Variants in PKP4 observed in about 807,000 individuals in gnomAD.
PKP4 encodes the protein plakophilin 4.
Under a neutral mutation model 145.1 loss-of-function variants are expected in PKP4, and 90 were observed. That is an observed-to-expected ratio of 0.62 (90% confidence interval 0.52 to 0.74). PKP4 has a LOEUF of 0.74. Among genes scored for constraint, PKP4 ranks in the 30% least tolerant of loss-of-function variants. PKP4 has a pLI of 0.00. For synonymous variants in PKP4, 563 were observed against 577.2 expected (o/e 0.98, Z 0.35); for missense variants, 1,340 against 1,482.7 (o/e 0.90, Z 1.58).
In PKP4 at chr2:158,680,502, C is replaced by T. The variant is rs878925561; in HGVS notation, c.3404C>T (p.Ser1135Phe). 14 of 1,613,138 alleles carry T rather than the reference C, an allele frequency of 8.7e-6. No homozygotes were observed. The highest frequency in any genetic ancestry group is 2.7e-5 in the African/African-American group (2 of 74,928). Reference protein sequence around the residue: ...NFDAYRLYLQSPHSYEDPYFD... With the variant: ...NFDAYRLYLQFPHSYEDPYFD... ...GATGCATACAGATTGTATTTGCAGT[C>T]TCCTCATAGCTATGAAGATCCTTAT... The change falls in exon 22 of 22, where the codon TCT (serine) becomes TTT (phenylalanine). Residue 1135 changes from serine to phenylalanine, a missense_variant. Physicochemically the swap from Ser to Phe is radical, Grantham distance 155 (BLOSUM62 -2). Transcript: ENST00000389759.
At position 158,658,121 on chromosome 2, in the gene PKP4, C is replaced by G. The variant is rs371998069; in HGVS notation, c.1910-10C>G. On this transcript the variant is annotated splice_polypyrimidine_tract_variant and intron_variant, in intron 11 of 21. Transcript: ENST00000389759. The stretch of plus-strand genomic sequence containing the variant: ...TCTATTTGTTTGATTTTTTAAATCT[C>G]CTTTTTTAGGAGTTCTTTGGAATTT... 6.0e-6 allele frequency: 9 copies of G among 1,512,572 alleles called. No homozygotes were observed. In the African/African-American group the frequency reaches 1.1e-4, roughly 19 times the overall value. The allele number at this position is 1,512,572 out of a possible 1,614,324, so 93.7% of individuals were successfully genotyped here. A position where few individuals can be genotyped will look rare whatever the true frequency, so the allele number is the denominator to read the frequency against.
Position 158,507,825 on chromosome 2 carries a change from T to G in PKP4, c.-5-25355T>G, listed in dbSNP as rs1316009266. On this transcript the variant is annotated intron_variant, in intron 1 of 21. Coordinates refer to ENST00000389759, the MANE Select transcript of PKP4 (RefSeq NM_003628.6). ...GAATTTCCTTGAGTGTGGATTGCTG[T>G]GTAGGAAAAGCTCTCTAAATTTTTT... Among the ~76,000 whole-genome samples the G allele has an allele frequency of 2.6e-5, 4 of 152,194 alleles. No individual in the cohort carries two copies. In the East Asian group the frequency reaches 7.7e-4, roughly 29 times the overall value.
intron 7 of PKP4, among the ~76,000 whole-genome samples, chr2:158,625,717 T>C (rs2052711005): frequency 6.6e-6 from 1 of 152,196 alleles, no homozygotes; most frequent in South Asian, 2.1e-4. Flanking sequence ...TCATAAGTAT[T>C]AGTTGCAATT....
chr2:158,575,199 C>CA (rs2047742074), intron 2 of PKP4, among the ~76,000 whole-genome samples: 1 of 152,170 alleles, frequency 6.6e-6, no homozygotes, highest in Non-Finnish European at 1.5e-5. Context: ...GTTTCCATGT[C>CA]AGGATCTTGA....
chr2:158,550,143 A>ATTCTATTAAATTATATTTAT (rs564291706), intron 2 of PKP4, among the ~76,000 whole-genome samples: 1 of 147,046 alleles, frequency 6.8e-6, no homozygotes. Context: ...TGCCAAGAAG[A>ATTCTATTAAATTATATTTAT]AGTTAAACAA....
chr2:158,577,214 T>C, intron 2 of PKP4, 57 bp from the exon 3 acceptor site: 1 of 1,019,964 alleles, frequency 9.8e-7, no homozygotes, highest in Non-Finnish European at 1.5e-6. Flanking sequence ...AATTCATATA[T>C]CTGCCTGAGC....
At chr2:158,618,457 G>A (rs1466026628) in intron 4 of PKP4, among the ~76,000 whole-genome samples, 2 of 151,980 alleles carry the variant, frequency 1.3e-5, no homozygotes, top group Non-Finnish European at 2.9e-5. Flanking sequence ...ATGAAACACA[G>A]GTCATAATAT....
intron 10 of PKP4, 75 bp downstream of exon 10, chr2:158,640,834 A>T (rs1408142247): frequency 1.3e-6 from 2 of 1,492,366 alleles, no homozygotes; most frequent in African/African-American, 2.8e-5. Flanking sequence ...TTCTGTATTT[A>T]AGAAATTACC....
intron 2 of PKP4, among the ~76,000 whole-genome samples, chr2:158,556,519 C>T (rs1400832197): frequency 1.6e-5 from 1 of 61,684 alleles, no homozygotes; most frequent in African/African-American, 4.4e-5. Flanking sequence ...GTGGCTCTTT[C>T]TCTCTTTTTT....
At chr2:158,458,044 G>A (rs1204557291) in intron 1 of PKP4, 1 of 152,630 alleles carries the variant, frequency 6.6e-6, no homozygotes. Context: ...GGATTTGGCT[G>A]CGTGTTGGCT....
chr2:158,679,675 A>G (rs2058300014), intron 21 of PKP4, among the ~76,000 whole-genome samples: 1 of 152,262 alleles, frequency 6.6e-6, no homozygotes, highest in Non-Finnish European at 1.5e-5. Context: ...AAGACTGAAC[A>G]AAAGGAAATG....
intron 1 of PKP4, among the ~76,000 whole-genome samples, chr2:158,522,870 G>T (rs867019425): frequency 1.3e-5 from 2 of 150,436 alleles, no homozygotes; most frequent in Non-Finnish European, 1.5e-5. Flanking sequence ...AAGGGGTGAC[G>T]GACGCACCTG....
rs777591728 is a variant in PKP4 at position 158,658,289 on chromosome 2, C to G, written c.2068C>G (p.Leu690Val). Residue 690 changes from leucine (L) to valine (V), a missense_variant, in exon 12 of 22, where the codon CTG (leucine) becomes GTG (valine). By Grantham distance (32) the Leu-to-Val change is conservative. Coordinates refer to ENST00000389759, the MANE Select transcript of PKP4 (RefSeq NM_003628.6). Reference sequence around the variant, plus strand: ...AATTAAATTTCAGACTTCACTAGTTCTGCGTAACACGACAGGTTGCCTAAG... The same window carrying G: ...AATTAAATTTCAGACTTCACTAGTTGTGCGTAACACGACAGGTTGCCTAAG... ...HKIKFQTSLV[L>V]RNTTGCLRNL... 1.9e-6 allele frequency: 3 copies of G among 1,601,192 alleles called. No individual in the cohort carries two copies. The South Asian group carries it at 3.4e-5, about 18-fold the overall frequency.
At chr2:158,572,564 G>A (rs1270631496) in intron 2 of PKP4, among the ~76,000 whole-genome samples, 1 of 152,136 alleles carries the variant, frequency 6.6e-6, no homozygotes, top group East Asian at 1.9e-4. Flanking sequence ...TAAGGTGAGG[G>A]TTCAAATTAG....
At chr2:158,621,483 T>C (rs979556060) in intron 6 of PKP4, 62 bp downstream of exon 6, 1 of 1,402,212 alleles carries the variant, frequency 7.1e-7, no homozygotes, top group Admixed American at 1.9e-5. Context: ...CAGTGGCTCA[T>C]GCCTGTAATC....
In PKP4 at chr2:158,666,745, C is replaced by T. The variant is rs115857721; in HGVS notation, c.2728+182C>T. The T allele has an allele frequency of 1.8e-3, 864 of 489,634 alleles. 6 individuals are homozygous for T. Among genetic ancestry groups the T allele is most frequent in the African/African-American group, 0.016 (778 of 50,040 alleles). The allele number at this position is 489,634 out of a possible 1,614,324, so 30.3% of individuals were successfully genotyped here. The stretch of plus-strand genomic sequence containing the variant: ...CCATTCTTTTTCAGCAGGAGGCAAG[C>T]TCATTAATTAGTCATTGATTAGGGA... On this transcript the variant is annotated intron_variant, in intron 16 of 21. Transcript: ENST00000389759.
intron 2 of PKP4, among the ~76,000 whole-genome samples, chr2:158,540,637 A>G (rs2044434411): frequency 6.6e-6 from 1 of 152,168 alleles, no homozygotes; most frequent in African/African-American, 2.4e-5. Flanking sequence ...AGAGACAAGA[A>G]TGTGTGTACT....
intron 1 of PKP4, among the ~76,000 whole-genome samples, chr2:158,500,383 G>C (rs914690839): frequency 1.3e-5 from 2 of 152,092 alleles, no homozygotes; most frequent in African/African-American, 4.8e-5. Flanking sequence ...ATACATTTTT[G>C]TTCTTTCATA....
intron 1 of PKP4, among the ~76,000 whole-genome samples, chr2:158,479,835 G>A (rs1389452915): frequency 6.6e-6 from 1 of 152,210 alleles, no homozygotes; most frequent in Non-Finnish European, 1.5e-5. Context: ...ATGGAAATGT[G>A]TATCTAAAGC....
Sources: allele counts gnomAD v4.1 joint callset (sites outside exome capture counted in the v4.1 genomes callset), GRCh38; gene constraint gnomAD v4.1.1; transcripts MANE v1.5; gene names NCBI Gene and HGNC (gene_info 2026-07-23, HGNC 2026-07-21).